PMP22: variants seen among roughly 807,000 people sequenced by gnomAD.
PMP22 encodes the protein Charcot-Marie-Tooth neuropathy 1A (greatly reduced nerve conduction velocity, hereditary motor sensory neuropathy Ia).
In PMP22, 2 loss-of-function variants were observed where a neutral mutation model predicts 18.9. The observed-to-expected ratio is 0.11, with a 90% CI of 0.04 to 0.33. The LOEUF is 0.33. Among genes scored for constraint, PMP22 ranks in the 10% least tolerant of loss-of-function variants. The pLI, the probability that PMP22 is intolerant of heterozygous loss-of-function variation, is 1.00. For missense variants in PMP22, 169 were observed against 202.2 expected (o/e 0.84, Z 1.00); for synonymous variants, 95 against 89.2 (o/e 1.07, Z -0.37).
intron 4 of PMP22, among the ~76,000 whole-genome samples, chr17:15,234,618 T>A (rs991845087): frequency 5.3e-5 from 8 of 152,154 alleles, no homozygotes; most frequent in African/African-American, 1.9e-4. Context: ...CTTTTACATT[T>A]TCAGTATCCA....
intron 3 of PMP22, among the ~76,000 whole-genome samples, 157 bp from the exon 4 acceptor site, chr17:15,239,768 C>CTG (rs1274453448): frequency 6.6e-6 from 1 of 152,206 alleles, no homozygotes. Context: ...TCAGACAATT[C>CTG]ACTTTTGCAA....
chr17:15,236,024 T>G (rs1906777450), intron 4 of PMP22, among the ~76,000 whole-genome samples: 1 of 151,758 alleles, frequency 6.6e-6, no homozygotes, highest in Non-Finnish European at 1.5e-5. Flanking sequence ...CCTCCCAAAG[T>G]GCTGGGATTA....
chr17:15,258,958 G>A lies in PMP22; in HGVS notation c.178+136C>T. The A allele has an allele frequency of 1.4e-6, 1 of 721,526 alleles. No individual in the cohort carries two copies. The highest frequency in any genetic ancestry group is 1.5e-5 in the South Asian group (1 of 66,886). The allele number at this position is 721,526 out of a possible 1,614,324, so 44.7% of individuals were successfully genotyped here. A position where few individuals can be genotyped will look rare whatever the true frequency, so the allele number is the denominator to read the frequency against. Reference sequence around the variant, plus strand: ...CCCTCCCATTTTCCCTGGACTCATGGCTCCCTGTCACATCCCACCCCACCC... The same window carrying A: ...CCCTCCCATTTTCCCTGGACTCATGACTCCCTGTCACATCCCACCCCACCC... On this transcript the variant is annotated intron_variant, in intron 3 of 4. Coordinates refer to ENST00000312280, the MANE Select transcript of PMP22 (RefSeq NM_000304.4). The surrounding 1 kb of genome is among the most constrained non-coding windows in gnomAD (Gnocchi z 4.1).
chr17:15,257,843 T>C (rs1908972603), intron 3 of PMP22, among the ~76,000 whole-genome samples: 1 of 152,228 alleles, frequency 6.6e-6, no homozygotes, highest in Non-Finnish European at 1.5e-5. Flanking sequence ...AGCAGGGTTT[T>C]CTACTCCTTG....
At chr17:15,248,698 T>C (rs1908053780) in intron 3 of PMP22, among the ~76,000 whole-genome samples, 1 of 152,092 alleles carries the variant, frequency 6.6e-6, no homozygotes, top group Admixed American at 6.5e-5. Context: ...CTCCACCAGA[T>C]ACAAAAGAAA....
rs544629061 is a variant in PMP22, at chr17:15,245,765, G to A, written c.179-6154C>T. 4.0e-4 allele frequency among the ~76,000 whole-genome samples: 61 copies of A among 152,076 alleles called. No individual in the cohort carries two copies. In the South Asian group the frequency reaches 0.012, roughly 29 times the overall value. On this transcript the variant is annotated intron_variant, in intron 3 of 4. Coordinates refer to ENST00000312280, the MANE Select transcript of PMP22 (RefSeq NM_000304.4). ...GGTCACGCCTGTAATCCCAGCACTT[G>A]GGAGGCCCAGGAGGGCAGATCACGA...
intron 4 of PMP22, among the ~76,000 whole-genome samples, chr17:15,231,428 G>C (rs927664961): frequency 8.5e-5 from 13 of 152,154 alleles, no homozygotes; most frequent in Non-Finnish European, 1.3e-4. Context: ...TCTTTCCAAG[G>C]GTGGTTGGGT....
At chr17:15,242,107 G>A (rs1907375598) in intron 3 of PMP22, among the ~76,000 whole-genome samples, 1 of 151,688 alleles carries the variant, frequency 6.6e-6, no homozygotes, top group Non-Finnish European at 1.5e-5. Context: ...CAAAAAAATT[G>A]GCCAGGTGTG....
intron 1 of PMP22, among the ~76,000 whole-genome samples, chr17:15,263,018 C>T (rs1423125102): frequency 6.6e-6 from 1 of 152,202 alleles, no homozygotes; most frequent in Non-Finnish European, 1.5e-5. Flanking sequence ...CCTCTCCTCT[C>T]GGGTCCTGGA....
At chr17:15,241,729 T>C (rs1294384478) in intron 3 of PMP22, among the ~76,000 whole-genome samples, 1 of 152,188 alleles carries the variant, frequency 6.6e-6, no homozygotes, top group East Asian at 1.9e-4. Context: ...CCAACCCCAT[T>C]ACAATTGAGC....
chr17:15,233,437 T>A (rs1387480623), intron 4 of PMP22, among the ~76,000 whole-genome samples: 2 of 152,226 alleles, frequency 1.3e-5, no homozygotes, highest in African/African-American at 4.8e-5. Flanking sequence ...CTGCAACAAC[T>A]TCCTGCAAGT....
chr17:15,258,382 C>T lies in PMP22; in HGVS notation c.178+712G>A, dbSNP rs1262890005. ...CTGGGTGTTCCTTTCCCTCTGGGTGCCTTGGGTACCTAGTTGGTGCTTCTG... is the reference window on the plus strand; with the variant it reads ...CTGGGTGTTCCTTTCCCTCTGGGTGTCTTGGGTACCTAGTTGGTGCTTCTG... On this transcript the variant is annotated intron_variant, in intron 3 of 4. Transcript: ENST00000312280. The surrounding 1 kb of genome is among the most constrained non-coding windows in gnomAD (Gnocchi z 4.1). Among the ~76,000 whole-genome samples, 1 of 152,122 alleles carries T rather than the reference C, an allele frequency of 6.6e-6. No individual in the cohort carries two copies. The highest frequency in any genetic ancestry group is 2.4e-5 in the African/African-American group (1 of 41,418).
At position 15,262,816 on chromosome 17, in the gene PMP22, C is replaced by A. The variant is rs529864553; in HGVS notation, c.-34-2055G>T. ...TCCCACCTCCCTTCTCCCCTGGCCC[C>A]GTGGAGACCTAGTGTTGACCGAGAA... is the stretch of plus-strand genomic sequence containing the variant. On this transcript the variant is annotated intron_variant, in intron 1 of 4. Transcript: ENST00000312280. 3.9e-5 allele frequency among the ~76,000 whole-genome samples: 6 copies of A among 152,328 alleles called. No individual in the cohort carries two copies. The East Asian group carries it at 9.7e-4, about 25-fold the overall frequency.
intron 3 of PMP22, among the ~76,000 whole-genome samples, chr17:15,245,521 A>G (rs1458422569): frequency 6.6e-6 from 1 of 152,168 alleles, no homozygotes; most frequent in African/African-American, 2.4e-5. Context: ...TACTTGAGGC[A>G]CTAATATATT....
At chr17:15,235,912 G>A (rs1017785282) in intron 4 of PMP22, among the ~76,000 whole-genome samples, 3 of 151,798 alleles carry the variant, frequency 2.0e-5, no homozygotes, top group African/African-American at 4.8e-5. Flanking sequence ...GCACCACCAC[G>A]CCTGGCTATT....
intron 3 of PMP22, among the ~76,000 whole-genome samples, chr17:15,240,621 T>A (rs1158692610): frequency 6.6e-6 from 1 of 152,084 alleles, no homozygotes; most frequent in Non-Finnish European, 1.5e-5. Flanking sequence ...TCATGTCATT[T>A]CAGGGAGGAA....
At position 15,230,942 on chromosome 17, in the gene PMP22, T is replaced by C. The variant is rs761138676; in HGVS notation, c.458A>G (p.Tyr153Cys). 20 of 1,613,994 alleles carry C rather than the reference T, an allele frequency of 1.2e-5. No homozygotes were observed. Among genetic ancestry groups the C allele is most frequent in the Admixed American group, 1.7e-5 (1 of 60,010 alleles). Residue 153 changes from tyrosine (Y) to cysteine (C), a missense_variant, in exon 5 of 5, where the codon TAT becomes TGT. Tyr to Cys is a radical substitution (Grantham distance 194). Transcript: ENST00000312280. ...TCATTCGCGTTTCCGCAAGATCACATAGATGACACCGCTGAGAAGGGCCAG... is the reference window on the plus strand; with the variant it reads ...TCATTCGCGTTTCCGCAAGATCACACAGATGACACCGCTGAGAAGGGCCAG... Reference protein sequence around the residue: ...FPLALLSGVIYVILRKRE With the variant: ...FPLALLSGVICVILRKRE
At chr17:15,245,160 A>G (rs1000682740) in intron 3 of PMP22, among the ~76,000 whole-genome samples, 2 of 152,196 alleles carry the variant, frequency 1.3e-5, no homozygotes, top group East Asian at 3.8e-4. Context: ...AGGCTGGTGC[A>G]AGATTCAAGA....
chr17:15,237,082 G>A (rs955002069), intron 4 of PMP22, among the ~76,000 whole-genome samples: 1 of 152,190 alleles, frequency 6.6e-6, no homozygotes, highest in Non-Finnish European at 1.5e-5. Context: ...AAAGTCATGC[G>A]CTTTTACATT....
Sources: allele counts gnomAD v4.1 joint callset (sites outside exome capture counted in the v4.1 genomes callset), GRCh38; gene constraint gnomAD v4.1.1; non-coding constraint Gnocchi (gnomAD v3.1); transcripts MANE v1.5; gene names NCBI Gene and HGNC (gene_info 2026-07-23, HGNC 2026-07-21).